ZDBF2: variants seen among roughly 807,000 people sequenced by gnomAD.
ZDBF2 encodes the protein zinc finger DBF-type containing 2.
Under a neutral mutation model 9.4 loss-of-function variants are expected in ZDBF2, and 6 were observed. The ratio of observed to expected loss-of-function variants is 0.64; its 90% CI spans 0.35 to 1.27. The LOEUF is 1.27. ZDBF2 is among the 50% of genes most tolerant of loss of function. The pLI is 0.03. For synonymous variants in ZDBF2, 905 were observed against 946.3 expected (o/e 0.96, Z 0.80); for missense variants, 2,697 against 2,766.8 (o/e 0.97, Z 0.57).
intron 3 of ZDBF2, among the ~76,000 whole-genome samples, chr2:206,288,168 A>T (rs1196810663): frequency 6.6e-6 from 1 of 152,132 alleles, no homozygotes; most frequent in Non-Finnish European, 1.5e-5. Flanking sequence ...CATCTGGTGG[A>T]ACAGTTACTT....
intron 4 of ZDBF2, among the ~76,000 whole-genome samples, chr2:206,303,054 T>A (rs1329866076): frequency 6.6e-6 from 1 of 152,110 alleles, no homozygotes; most frequent in Non-Finnish European, 1.5e-5. Flanking sequence ...GAACTGATAT[T>A]AGTACAGTCC....
At chr2:206,288,286 A>G (rs935804009) in intron 3 of ZDBF2, among the ~76,000 whole-genome samples, 1 of 152,166 alleles carries the variant, frequency 6.6e-6, no homozygotes, top group African/African-American at 2.4e-5. Context: ...CTGTTGCTAG[A>G]TAGATGCAGT....
chr2:206,293,983 G>C (rs1692035449), intron 3 of ZDBF2, among the ~76,000 whole-genome samples: 1 of 151,972 alleles, frequency 6.6e-6, no homozygotes, highest in Admixed American at 6.6e-5. Flanking sequence ...CCAAAAGCTA[G>C]AAACAACACA....
rs761190012 is a variant in ZDBF2, at chr2:206,307,324, A to C, written c.2796A>C (p.Glu932Asp). Residue 932 changes from glutamate (E) to aspartate (D), a missense_variant, in exon 5 of 5, where the codon GAA becomes GAC. Glu to Asp is a conservative substitution (Grantham distance 45). This residue lies in a region of ZDBF2 where 1,783 missense variants were observed against 1,776.5 expected (regional missense o/e 1.00). Coordinates refer to ENST00000374423, the MANE Select transcript of ZDBF2 (RefSeq NM_020923.3). ...IIFHSVTGRS[E>D]DPIKEISLHT... ...TTCATTCAGTGACTGGACGTTCTGA[A>C]GATCCCATTAAAGAAATAAGCCTTC... 6.8e-6 allele frequency: 11 copies of C among 1,612,372 alleles called. No homozygotes were observed. The South Asian group carries it at 1.2e-4, about 18-fold the overall frequency.
At chr2:206,294,859 T>C (rs1394536860) in intron 3 of ZDBF2, among the ~76,000 whole-genome samples, 1 of 152,260 alleles carries the variant, frequency 6.6e-6, no homozygotes, top group Non-Finnish European at 1.5e-5. Context: ...TTCCATGATG[T>C]ATATGTACCA....
At chr2:206,290,111 T>C (rs958320980) in intron 3 of ZDBF2, among the ~76,000 whole-genome samples, 14 of 152,242 alleles carry the variant, frequency 9.2e-5, no homozygotes, top group African/African-American at 3.4e-4. Context: ...TTGAAGACTA[T>C]CCTTTCCACA....
intron 4 of ZDBF2, among the ~76,000 whole-genome samples, chr2:206,298,876 A>T (rs576343935): frequency 1.6e-4 from 24 of 151,478 alleles, no homozygotes; most frequent in Admixed American, 7.9e-4. Flanking sequence ...TTTTTACATG[A>T]ATTTTTTTTT....
chr2:206,279,873 C>T (rs183598894), intron 2 of ZDBF2, among the ~76,000 whole-genome samples: 7 of 152,272 alleles, frequency 4.6e-5, no homozygotes, highest in South Asian at 2.1e-4. Context: ...GGTGTGACCT[C>T]GGCATGCTGC....
At chr2:206,288,646 C>G (rs746021672) in intron 3 of ZDBF2, among the ~76,000 whole-genome samples, 5 of 152,058 alleles carry the variant, frequency 3.3e-5, no homozygotes, top group Non-Finnish European at 2.9e-5. Context: ...CAGATTTGCT[C>G]TTTGGTGGGG....
Position 206,310,817 on chromosome 2 carries a change from G to C in ZDBF2, c.6289G>C (p.Ala2097Pro). 6.2e-7 allele frequency: 1 copy of C among 1,614,008 alleles called. No homozygotes were observed. The highest frequency in any genetic ancestry group is 8.5e-7 in the Non-Finnish European group (1 of 1,179,904). Residue 2097 changes from alanine (A) to proline (P), a missense_variant, in exon 5 of 5, where the codon GCT becomes CCT. This residue lies in a region of ZDBF2 where 1,783 missense variants were observed against 1,776.5 expected (regional missense o/e 1.00). Transcript: ENST00000374423. ...AAACTCCAGTGCAGGAGATAATGATGCTGATGGACAAGGCTCTGCTTCAGC... is the reference window on the plus strand; with the variant it reads ...AAACTCCAGTGCAGGAGATAATGATCCTGATGGACAAGGCTCTGCTTCAGC... ...NQNSSAGDNDADGQGSASAPL... is the reference protein window; with the variant it reads ...NQNSSAGDNDPDGQGSASAPL...
chr2:206,309,877 G>T lies in ZDBF2; in HGVS notation c.5349G>T (p.Lys1783Asn), dbSNP rs1394935373. 6.2e-7 allele frequency: 1 copy of T among 1,613,904 alleles called. No individual in the cohort carries two copies. The highest frequency in any genetic ancestry group is 1.3e-5 in the African/African-American group (1 of 75,014). The change falls in exon 5 of 5, where the codon AAG becomes AAT. Residue 1783 changes from lysine to asparagine, a missense_variant. Around this residue, in one of 3 missense-constraint regions of ZDBF2, gnomAD observed 1,783 missense variants for 1,776.5 expected, o/e 1.00. Transcript: ENST00000374423. ...AGGTATCTTCTGACTTGAAAGAAAA[G>T]AACCATGATTCCCAGTCAAGCTCTG... ...CKKVSSDLKE[K>N]NHDSQSSSVL... is the part of the protein sequence containing the mutation.
In ZDBF2 at chr2:206,307,939, T is replaced by C. The variant is rs1337802244; in HGVS notation, c.3411T>C (p.His1137=). 1 of 1,613,724 alleles carries C rather than the reference T, an allele frequency of 6.2e-7. No homozygotes were observed. Among genetic ancestry groups the C allele is most frequent in the African/African-American group, 1.3e-5 (1 of 75,048 alleles). The part of the protein sequence containing the change: ...VADQPKVAIK[H]VNLGNENHMY... ...ATCAACCCAAAGTAGCTATTAAACA[T>C]GTGAACCTTGGGAATGAAAACCATA... Residue 1137 remains histidine, a synonymous_variant, in exon 5 of 5, where the codon CAT becomes CAC. Transcript: ENST00000374423.
At chr2:206,300,095 G>A (rs1692422405) in intron 4 of ZDBF2, among the ~76,000 whole-genome samples, 1 of 152,140 alleles carries the variant, frequency 6.6e-6, no homozygotes, top group Non-Finnish European at 1.5e-5. Flanking sequence ...GGCAACAAGA[G>A]CGAAACTTGG....
At chr2:206,289,717 GT>G (rs1211868557) in intron 3 of ZDBF2, among the ~76,000 whole-genome samples, 5 of 152,220 alleles carry the variant, frequency 3.3e-5, no homozygotes, top group Non-Finnish European at 7.3e-5. Flanking sequence ...GGGGAACACA[GT>G]GGTGTTGACC....
chr2:206,308,549 A>C lies in ZDBF2; in HGVS notation c.4021A>C (p.Ile1341Leu). ...TTCAAATATCCCTCTTCAGTCAGTG[A>C]TAAAACAACCACACATTTTGGAAGA... is the stretch of plus-strand genomic sequence containing the variant. ...YVSNIPLQSV[I>L]KQPHILEEEH... The change falls in exon 5 of 5, where the codon ATA becomes CTA. Residue 1341 changes from isoleucine (I) to leucine (L), a missense_variant. Around this residue, in one of 3 missense-constraint regions of ZDBF2, gnomAD observed 1,783 missense variants for 1,776.5 expected, o/e 1.00. Transcript: ENST00000374423. 15 of 1,613,698 alleles carry C rather than the reference A, an allele frequency of 9.3e-6. No individual in the cohort carries two copies. Among genetic ancestry groups the C allele is most frequent in the Non-Finnish European group, 1.3e-5 (15 of 1,179,820 alleles).
Position 206,309,037 on chromosome 2 carries a change from T to C in ZDBF2, c.4509T>C (p.Asp1503=), listed in dbSNP as rs752029559. ...ATTCAGAAATGATGTATGATTCTGATGTTCCTTTTCAAATAGTAGTTAACC... is the reference window on the plus strand; with the variant it reads ...ATTCAGAAATGATGTATGATTCTGACGTTCCTTTTCAAATAGTAGTTAACC... ...PSDSEMMYDS[D]VPFQIVVNQF... The change falls in exon 5 of 5, where the codon GAT becomes GAC. Residue 1503 remains aspartate, a synonymous_variant. Transcript: ENST00000374423. 13 of 1,613,914 alleles carry C rather than the reference T, an allele frequency of 8.1e-6. No homozygotes were observed. The highest frequency in any genetic ancestry group is 1.1e-5 in the Non-Finnish European group (13 of 1,179,874).
At position 206,307,474 on chromosome 2, in the gene ZDBF2, A is replaced by G. The variant is rs1692872866; in HGVS notation, c.2946A>G (p.Arg982=). The G allele has an allele frequency of 6.2e-7, 1 of 1,612,688 alleles. No homozygotes were observed. Among genetic ancestry groups the G allele is most frequent in the African/African-American group, 1.3e-5 (1 of 74,966 alleles). The part of the protein sequence containing the change: ...EVIVKETWLQ[R]EKHAEFQGRS... ...TTGTCAAAGAAACATGGCTTCAAAG[A>G]GAAAAGCACGCTGAATTCCAAGGTA... The change falls in exon 5 of 5, where the codon AGA becomes AGG. Residue 982 remains arginine (R), a synonymous_variant. Coordinates refer to ENST00000374423, the MANE Select transcript of ZDBF2 (RefSeq NM_020923.3).
At chr2:206,282,728 T>C (rs1691389576) in intron 3 of ZDBF2, among the ~76,000 whole-genome samples, 2 of 152,256 alleles carry the variant, frequency 1.3e-5, no homozygotes, top group African/African-American at 4.8e-5. Flanking sequence ...ATATAACTCA[T>C]ACACCATAAA....
Position 206,310,500 on chromosome 2 carries a change from A to T in ZDBF2, c.5972A>T (p.Glu1991Val). ...AAGAAAGTCAAAATTGGGACAGTTG[A>T]ATTTCCTGCATCATGTACTAAAGTT... ...TKKKVKIGTV[E>V]FPASCTKVLK... The change falls in exon 5 of 5, where the codon GAA (glutamate) becomes GTA (valine). Residue 1991 changes from glutamate to valine, a missense_variant. By Grantham distance (121) the Glu-to-Val change is moderately radical. Around this residue, in one of 3 missense-constraint regions of ZDBF2, gnomAD observed 1,783 missense variants for 1,776.5 expected, o/e 1.00. Transcript: ENST00000374423. 6.2e-7 allele frequency: 1 copy of T among 1,613,550 alleles called. No homozygotes were observed.
Sources: gnomAD v4.1 joint callset for allele counts (sites outside exome capture counted in the v4.1 genomes callset) on GRCh38, gnomAD v4.1.1 for gene constraint, gnomAD v4.1.1 regional missense constraint, MANE v1.5 for transcripts, NCBI Gene and HGNC (gene_info 2026-07-23, HGNC 2026-07-21) for gene names.